Variants in SH3BGR observed in about 807,000 individuals in gnomAD.
SH3BGR encodes SH3 domain binding glutamate rich protein.
SH3BGR carries 29 observed loss-of-function variants against 24.5 expected under a neutral mutation model. That is an observed-to-expected ratio of 1.18 (90% confidence interval 0.88 to 1.61). The LOEUF (loss-of-function observed/expected upper bound fraction) is 1.61, where lower values mean the gene tolerates loss of function less well. Ranked by LOEUF, SH3BGR falls within the 40% of genes most tolerant of loss-of-function variation. The pLI is 0.00. For synonymous variants in SH3BGR, 55 were observed against 65.7 expected (o/e 0.84, Z 0.79); for missense variants, 162 against 205.8 (o/e 0.79, Z 1.30).
upstream of SH3BGR, among the ~76,000 whole-genome samples, chr21:39,447,888 C>T (rs929121211): frequency 2.0e-5 from 3 of 152,120 alleles, no homozygotes; most frequent in South Asian, 2.1e-4. Flanking sequence ...CAGACTACCA[C>T]GAACTTAGGG....
In SH3BGR at chr21:39,455,024, T is replaced by A. The variant is rs140283095; in HGVS notation, c.45+2883T>A. ...TTGCTCAGAAAGCAGCCTTCCAAGCTAGGATGGAAACACAGGTCGTCTCTG... is the reference window on the plus strand; with the variant it reads ...TTGCTCAGAAAGCAGCCTTCCAAGCAAGGATGGAAACACAGGTCGTCTCTG... On this transcript the variant is annotated intron_variant, in intron 1 of 6. Coordinates refer to ENST00000333634, the MANE Select transcript of SH3BGR (RefSeq NM_007341.3). Among the ~76,000 whole-genome samples, 755 of 152,322 alleles carry A rather than the reference T, an allele frequency of 5.0e-3. 4 individuals carry two copies. The highest frequency in any genetic ancestry group is 7.6e-3 in the Non-Finnish European group (516 of 68,024).
chr21:39,499,539 A>G (rs1602158446), intron 3 of SH3BGR, among the ~76,000 whole-genome samples: 1 of 152,208 alleles, frequency 6.6e-6, no homozygotes, highest in Non-Finnish European at 1.5e-5. Context: ...TAAAGATAGA[A>G]TTCTTCTCCT....
At chr21:39,462,806 T>A (rs949357428) in intron 2 of SH3BGR, among the ~76,000 whole-genome samples, 1 of 152,210 alleles carries the variant, frequency 6.6e-6, no homozygotes, top group African/African-American at 2.4e-5. Flanking sequence ...TTTGTTTTAT[T>A]TTGAAGAATT....
At chr21:39,460,525 A>C (rs1477804731) in intron 1 of SH3BGR, among the ~76,000 whole-genome samples, 1 of 152,172 alleles carries the variant, frequency 6.6e-6, no homozygotes, top group African/African-American at 2.4e-5. Context: ...TCTGTCGCCC[A>C]GGCTGGAGTG....
At chr21:39,464,345 C>G (rs1207302506) in intron 2 of SH3BGR, among the ~76,000 whole-genome samples, 2 of 152,192 alleles carry the variant, frequency 1.3e-5, no homozygotes, top group African/African-American at 2.4e-5. Flanking sequence ...GCCTCAGCCT[C>G]TTGAGTAGCT....
intron 1 of SH3BGR, among the ~76,000 whole-genome samples, chr21:39,458,827 A>G (rs1314604617): frequency 6.6e-6 from 1 of 151,540 alleles, no homozygotes; most frequent in Non-Finnish European, 1.5e-5. Context: ...TTGTATTTTT[A>G]GTAGAGACGA....
intron 3 of SH3BGR, among the ~76,000 whole-genome samples, chr21:39,479,898 A>C (rs1408960356): frequency 6.6e-6 from 1 of 151,814 alleles, no homozygotes. Flanking sequence ...CTTCTTGTCC[A>C]TTTACCCTGT....
At chr21:39,476,198 G>A (rs1219804702) in intron 3 of SH3BGR, among the ~76,000 whole-genome samples, 2 of 152,104 alleles carry the variant, frequency 1.3e-5, no homozygotes, top group Non-Finnish European at 2.9e-5. Flanking sequence ...GAGTAGGGAA[G>A]GCAGGAGGAG....
intron 3 of SH3BGR, among the ~76,000 whole-genome samples, chr21:39,480,538 G>A (rs1320724327): frequency 6.6e-6 from 1 of 152,152 alleles, no homozygotes; most frequent in Non-Finnish European, 1.5e-5. Flanking sequence ...TTCTTTGTTA[G>A]GGCAGACTAC....
chr21:39,492,061 T>A (rs1378560010), intron 3 of SH3BGR, among the ~76,000 whole-genome samples: 1 of 152,256 alleles, frequency 6.6e-6, no homozygotes, highest in Non-Finnish European at 1.5e-5. Context: ...GTTGTTCTAG[T>A]GGCTATAATA....
At chr21:39,450,069 A>G (rs1395819384), upstream of SH3BGR, among the ~76,000 whole-genome samples, 1 of 133,616 alleles carries the variant, frequency 7.5e-6, no homozygotes. Context: ...CAAAGTCATT[A>G]GAAAATATGC....
chr21:39,486,669 C>G (rs1302631732), intron 3 of SH3BGR, among the ~76,000 whole-genome samples: 1 of 152,214 alleles, frequency 6.6e-6, no homozygotes, highest in South Asian at 2.1e-4. Flanking sequence ...ATAACTTAAG[C>G]ACCTGTTGTC....
At chr21:39,454,221 C>T (rs2148446031) in intron 1 of SH3BGR, among the ~76,000 whole-genome samples, 1 of 152,246 alleles carries the variant, frequency 6.6e-6, no homozygotes, top group Non-Finnish European at 1.5e-5. Flanking sequence ...CTTCTTGTGC[C>T]CATGCTACTG....
chr21:39,512,377 C>T (rs1275204871), intron 6 of SH3BGR, among the ~76,000 whole-genome samples: 1 of 152,186 alleles, frequency 6.6e-6, no homozygotes, highest in African/African-American at 2.4e-5. Context: ...CCTCTGGAAA[C>T]ACCGGGGAAC....
rs1238688882 is a variant in SH3BGR, at chr21:39,462,389, G to T, written c.60G>T (p.Gln20His). The change falls in exon 2 of 7, where the codon CAG (glutamine) becomes CAT (histidine). Residue 20 changes from glutamine (Q) to histidine (H), a missense_variant. Transcript: ENST00000333634. ...CTCTTGACCAGATTAGGAAGAAACA[G>T]CAAGAAGTAGTGGGTTTTTTGGAAG... ...SSGSIAIRKK[Q>H]QEVVGFLEAN... 3.7e-6 allele frequency: 6 copies of T among 1,606,852 alleles called. No homozygotes were observed. Among genetic ancestry groups the T allele is most frequent in the Non-Finnish European group, 5.1e-6 (6 of 1,178,422 alleles).
At chr21:39,465,783 G>A (rs755760392) in intron 2 of SH3BGR, among the ~76,000 whole-genome samples, 1 of 151,990 alleles carries the variant, frequency 6.6e-6, no homozygotes, top group East Asian at 1.9e-4. Context: ...GTAGAGATAG[G>A]GTCTCACTGT....
intron 3 of SH3BGR, among the ~76,000 whole-genome samples, chr21:39,476,416 A>G (rs183067655): frequency 3.9e-5 from 6 of 152,344 alleles, no homozygotes; most frequent in Admixed American, 6.5e-5. Flanking sequence ...TGGTCTAGAC[A>G]GAGTGGTCTA....
At chr21:39,506,169 G>A (rs189823196) in intron 4 of SH3BGR, among the ~76,000 whole-genome samples, 226 of 152,288 alleles carry the variant, frequency 1.5e-3, no homozygotes, top group Non-Finnish European at 2.6e-3. Flanking sequence ...AAATGAATAA[G>A]ACACAGGTTA....
At chr21:39,514,864 C>T (rs2078755864) in intron 6 of SH3BGR, among the ~76,000 whole-genome samples, 1 of 152,190 alleles carries the variant, frequency 6.6e-6, no homozygotes, top group Admixed American at 6.5e-5. Context: ...ATGTTGTCTT[C>T]CTTATGGTGT....
Sources: allele counts gnomAD v4.1 joint callset (sites outside exome capture counted in the v4.1 genomes callset), GRCh38; gene constraint gnomAD v4.1.1; transcripts MANE v1.5; gene names NCBI Gene and HGNC (gene_info 2026-07-23, HGNC 2026-07-21).